MAP3K5: variants seen among roughly 807,000 people sequenced by gnomAD.
MAP3K5 encodes ASK-1.
MAP3K5 carries 56 observed loss-of-function variants against 158.7 expected under a neutral mutation model. The ratio of observed to expected loss-of-function variants is 0.35; its 90% CI spans 0.28 to 0.44. MAP3K5 has a LOEUF of 0.44. MAP3K5 is among the 20% of genes least tolerant of loss of function. The probability of loss-of-function intolerance (pLI) is 1.00; values close to 1 mark genes in which losing one functional copy is unlikely to be tolerated. For missense variants in MAP3K5, 1,294 were observed against 1,674.8 expected (o/e 0.77, Z 3.97); for synonymous variants, 579 against 601.7 (o/e 0.96, Z 0.55).
rs141964953 is a variant in MAP3K5, at chr6:136,692,223, T to C, written c.1253+1917A>G. Reference sequence around the variant, plus strand: ...CACCCAGGTTGCTTAGTAATTTTTATGGTGTATTAGACATTTTGGATGATA... The same window carrying C: ...CACCCAGGTTGCTTAGTAATTTTTACGGTGTATTAGACATTTTGGATGATA... On this transcript the variant is annotated intron_variant, in intron 7 of 29. Coordinates refer to ENST00000359015, the MANE Select transcript of MAP3K5 (RefSeq NM_005923.4). Among the ~76,000 whole-genome samples the C allele has an allele frequency of 7.4e-3, 1,123 of 152,258 alleles. 9 individuals are homozygous for C. Among genetic ancestry groups the C allele is most frequent in the African/African-American group, 0.024 (983 of 41,540 alleles).
chr6:136,778,980 A>C (rs2115031831), intron 1 of MAP3K5, among the ~76,000 whole-genome samples: 1 of 152,272 alleles, frequency 6.6e-6, no homozygotes, highest in South Asian at 2.1e-4. Context: ...AGCCTAGGTA[A>C]CATGGTGAGA....
intron 8 of MAP3K5, among the ~76,000 whole-genome samples, chr6:136,666,238 C>G (rs1363956673): frequency 6.6e-6 from 1 of 152,148 alleles, no homozygotes; most frequent in Non-Finnish European, 1.5e-5. Flanking sequence ...CAAACAAACA[C>G]ACAACTAGAA....
At chr6:136,669,172 G>T in intron 8 of MAP3K5, 111 bp downstream of exon 8, 2 of 759,010 alleles carry the variant, frequency 2.6e-6, no homozygotes, top group Non-Finnish European at 4.6e-6. Flanking sequence ...TTCTCTTTGG[G>T]AAGTATGAAA....
intron 21 of MAP3K5, among the ~76,000 whole-genome samples, chr6:136,595,478 T>C (rs531891881): frequency 1.3e-5 from 2 of 152,268 alleles, no homozygotes; most frequent in South Asian, 4.1e-4. Flanking sequence ...CATTCATTCA[T>C]CCAACATACA....
chr6:136,755,945 T>A (rs543739490), intron 1 of MAP3K5, among the ~76,000 whole-genome samples: 1 of 151,598 alleles, frequency 6.6e-6, no homozygotes, highest in African/African-American at 2.4e-5. Flanking sequence ...AAGGAAAAAA[T>A]TATGACATTA....
At chr6:136,779,256 T>C (rs750771619) in intron 1 of MAP3K5, among the ~76,000 whole-genome samples, 32 of 151,570 alleles carry the variant, frequency 2.1e-4, no homozygotes, top group Non-Finnish European at 4.3e-4. Context: ...AATATATACA[T>C]AAATAAATAA....
Position 136,562,612 on chromosome 6 carries a change from T to C in MAP3K5, c.3765A>G (p.Leu1255=). The change falls in exon 27 of 30, where the codon TTA becomes TTG. Residue 1255 remains leucine, a synonymous_variant. Coordinates refer to ENST00000359015, the MANE Select transcript of MAP3K5 (RefSeq NM_005923.4). ...TCTCTTTCCGAACCAATTCTTCCAG[T>C]AATCTGCAGAAGAAAAATATATTGT... ...LGRMKIETNR[L]LEELVRKEKE... is the part of the protein sequence containing the mutation. The C allele has an allele frequency of 6.5e-7, 1 of 1,535,880 alleles. No homozygotes were observed. The highest frequency in any genetic ancestry group is 9.0e-7 in the Non-Finnish European group (1 of 1,116,828).
At chr6:136,714,519 A>G (rs1030206313) in intron 2 of MAP3K5, among the ~76,000 whole-genome samples, 1 of 152,286 alleles carries the variant, frequency 6.6e-6, no homozygotes, top group Middle Eastern at 3.4e-3. Flanking sequence ...TTTATGTTGT[A>G]CCATATGTCA....
At chr6:136,678,759 T>C (rs1259536369) in intron 7 of MAP3K5, among the ~76,000 whole-genome samples, 1 of 151,678 alleles carries the variant, frequency 6.6e-6, no homozygotes, top group African/African-American at 2.4e-5. Context: ...GGAGTCTCGC[T>C]CTGTCGTCCA....
At chr6:136,746,041 T>G (rs1782941799) in intron 1 of MAP3K5, among the ~76,000 whole-genome samples, 1 of 152,210 alleles carries the variant, frequency 6.6e-6, no homozygotes, top group African/African-American at 2.4e-5. Flanking sequence ...AGGAGACAGC[T>G]GCATGGGTCC....
At chr6:136,759,453 A>AATATATATATATATATAT (rs1562681173) in intron 1 of MAP3K5, among the ~76,000 whole-genome samples, 1 of 55,228 alleles carries the variant, frequency 1.8e-5, no homozygotes, top group South Asian at 5.1e-4. Context: ...TTATACTAAA[A>AATATATATATATATATAT]CTATATATAT....
rs769194714 is a variant in MAP3K5, at chr6:136,643,075, A to G, written c.1789-506T>C. Among the ~76,000 whole-genome samples, 8 of 147,574 alleles carry G rather than the reference A, an allele frequency of 5.4e-5. No homozygotes were observed. The East Asian group carries it at 1.4e-3, about 25-fold the overall frequency. Reference sequence around the variant, plus strand: ...AGAACAAGAATGTATGTGAACACACATGTGTACAGTGCCCATCATAACTAC... The same window carrying G: ...AGAACAAGAATGTATGTGAACACACGTGTGTACAGTGCCCATCATAACTAC... On this transcript the variant is annotated intron_variant, in intron 11 of 29. Transcript: ENST00000359015.
chr6:136,669,170 G>T, intron 8 of MAP3K5, 113 bp downstream of exon 8: 1 of 753,794 alleles, frequency 1.3e-6, no homozygotes, highest in Non-Finnish European at 2.3e-6. Flanking sequence ...TTTTCTCTTT[G>T]GGAAGTATGA....
intron 2 of MAP3K5, among the ~76,000 whole-genome samples, chr6:136,715,011 C>T (rs1203204249): frequency 6.6e-6 from 1 of 152,118 alleles, no homozygotes; most frequent in Non-Finnish European, 1.5e-5. Context: ...ATGAAAATCC[C>T]ATCCATAAAG....
chr6:136,636,672 G>C (rs1469908883), intron 14 of MAP3K5, among the ~76,000 whole-genome samples: 1 of 152,162 alleles, frequency 6.6e-6, no homozygotes, highest in Non-Finnish European at 1.5e-5. Context: ...GTCGGGTGCG[G>C]TGGCTCACGC....
Position 136,674,983 on chromosome 6 carries a change from G to A in MAP3K5, c.1254-5588C>T, listed in dbSNP as rs151000503. On this transcript the variant is annotated intron_variant, in intron 7 of 29. Transcript: ENST00000359015. ...ATACTTAAGTATTAGGACACAGGTAGGTTGAAAGTGAAATGATGCATAAAG... is the reference window on the plus strand; with the variant it reads ...ATACTTAAGTATTAGGACACAGGTAAGTTGAAAGTGAAATGATGCATAAAG... 4.9e-3 allele frequency among the ~76,000 whole-genome samples: 751 copies of A among 151,946 alleles called. 6 individuals are homozygous for A. The highest frequency in any genetic ancestry group is 0.017 in the African/African-American group (701 of 41,494).
intron 8 of MAP3K5, among the ~76,000 whole-genome samples, chr6:136,660,729 G>A (rs909919180): frequency 1.3e-5 from 2 of 152,158 alleles, no homozygotes; most frequent in Non-Finnish European, 2.9e-5. Flanking sequence ...CAAAAAGGTA[G>A]GATATATCAT....
chr6:136,709,261 T>G (rs1162935171), intron 2 of MAP3K5, among the ~76,000 whole-genome samples: 1 of 152,146 alleles, frequency 6.6e-6, no homozygotes, highest in Non-Finnish European at 1.5e-5. Context: ...AATGAATAAA[T>G]TAATGAATGT....
chr6:136,620,143 G>A (rs1254985676), intron 15 of MAP3K5, among the ~76,000 whole-genome samples: 1 of 152,098 alleles, frequency 6.6e-6, no homozygotes, highest in African/African-American at 2.4e-5. Flanking sequence ...GATGATGCAG[G>A]CCTGTAATCC....
Sources: gnomAD v4.1 joint callset for allele counts (sites outside exome capture counted in the v4.1 genomes callset) on GRCh38, gnomAD v4.1.1 for gene constraint, MANE v1.5 for transcripts, NCBI Gene and HGNC (gene_info 2026-07-23, HGNC 2026-07-21) for gene names.